Variants in CARS1 observed in about 807,000 individuals in gnomAD.
CARS1 encodes the protein cysteine--tRNA ligase, cytoplasmic.
CARS1 carries 48 observed loss-of-function variants against 106.2 expected under a neutral mutation model. The ratio of observed to expected loss-of-function variants is 0.45; its 90% CI spans 0.36 to 0.57. The LOEUF (loss-of-function observed/expected upper bound fraction) is 0.57. CARS1 is among the 20% of genes least tolerant of loss of function. The pLI is 0.00. For missense variants in CARS1, 968 were observed against 1,057.2 expected (o/e 0.92, Z 1.17); for synonymous variants, 409 against 403.4 (o/e 1.01, Z -0.17).
chr11:3,010,644 C>G (rs145425911), intron 18 of CARS1, among the ~76,000 whole-genome samples: 11 of 152,206 alleles, frequency 7.2e-5, no homozygotes, highest in Non-Finnish European at 1.6e-4. Context: ...CCCGGCCAGC[C>G]TCTCCTCTCA....
intron 1 of CARS1, among the ~76,000 whole-genome samples, chr11:3,051,382 G>C (rs978829837): frequency 6.6e-6 from 1 of 152,160 alleles, no homozygotes; most frequent in African/African-American, 2.4e-5. Context: ...TGACACTGCC[G>C]GGGCTTCCCT....
chr11:3,043,801 C>T lies in CARS1; in HGVS notation c.275-1545G>A, dbSNP rs539611144. 4.6e-5 allele frequency among the ~76,000 whole-genome samples: 7 copies of T among 152,126 alleles called. No homozygotes were observed. The highest frequency in any genetic ancestry group is 2.0e-4 in the Admixed American group (3 of 15,282). On this transcript the variant is annotated intron_variant, in intron 2 of 22. Transcript: ENST00000380525. This position sits in a 1 kb window ranked among gnomAD's most constrained non-coding sequence, Gnocchi z 4.0. ...AACAGGCCAAGGGGAGGAAGGAGGG[C>T]GGCTGCACTGTGTCTGGGCAGTGGG...
In CARS1 at chr11:3,021,388, C is replaced by T. The variant is rs1203385321; in HGVS notation, c.1154-1056G>A. 1.3e-5 allele frequency among the ~76,000 whole-genome samples: 2 copies of T among 152,140 alleles called. No individual in the cohort carries two copies. On this transcript the variant is annotated intron_variant, in intron 10 of 22. Transcript: ENST00000380525. This position sits in a 1 kb window ranked among gnomAD's most constrained non-coding sequence, Gnocchi z 5.3. ...AAGGGCTGCCTTAGGTGCTGTCACC[C>T]CCTTGTGGAGGAAGAACAGACTCCA...
Position 3,052,217 on chromosome 11 carries a change from C to T in CARS1, c.26-4216G>A, listed in dbSNP as rs1372225624. ...TCTCTGGAGACCTGAGGGGCGGCCCCGACGCCCTCCAGGGCTGAGTACCTA... is the reference window on the plus strand; with the variant it reads ...TCTCTGGAGACCTGAGGGGCGGCCCTGACGCCCTCCAGGGCTGAGTACCTA... On this transcript the variant is annotated intron_variant, in intron 1 of 22. Coordinates refer to ENST00000380525, the MANE Select transcript of CARS1 (RefSeq NM_001014437.3). The surrounding 1 kb of genome is among the most constrained non-coding windows in gnomAD (Gnocchi z 4.6). Among the ~76,000 whole-genome samples, 5 of 152,230 alleles carry T rather than the reference C, an allele frequency of 3.3e-5. No homozygotes were observed. The highest frequency in any genetic ancestry group is 9.6e-5 in the African/African-American group (4 of 41,462).
At position 3,042,081 on chromosome 11, in the gene CARS1, C is replaced by G. The variant is rs1312531550; in HGVS notation, c.366+84G>C. 3.1e-6 allele frequency: 3 copies of G among 960,096 alleles called. No homozygotes were observed. The Admixed American group carries it at 5.8e-5, about 19-fold the overall frequency. 59.5% of individuals were successfully genotyped at this position (960,096 alleles called of 1,614,324 possible). A position where few individuals can be genotyped will look rare whatever the true frequency, so the allele number is the denominator to read the frequency against. ...ATCCCAACACAAGGAACAGAGAAGT[C>G]TGTTGTGCGACAAGGCACATGGGCT... is the stretch of plus-strand genomic sequence containing the variant. On this transcript the variant is annotated intron_variant, in intron 3 of 22. Transcript: ENST00000380525.
In CARS1 at chr11:3,017,373, T is replaced by C; in HGVS notation, c.1728-78A>G. ...AAATTCCCCATGTGGCCAGGCGCAG[T>C]GGCTCACGCCTATAATCCCAGCACT... is the stretch of plus-strand genomic sequence containing the variant. On this transcript the variant is annotated intron_variant, in intron 15 of 22. Transcript: ENST00000380525. The surrounding 1 kb of genome is among the most constrained non-coding windows in gnomAD (Gnocchi z 4.9). The C allele has an allele frequency of 7.5e-7, 1 of 1,326,066 alleles. No homozygotes were observed. Among genetic ancestry groups the C allele is most frequent in the Non-Finnish European group, 1.1e-6 (1 of 938,150 alleles). The allele number at this position is 1,326,066 out of a possible 1,614,324, so 82.1% of individuals were successfully genotyped here.
chr11:3,038,035 T>C lies in CARS1; in HGVS notation c.801+15A>G, dbSNP rs1392827199. The C allele has an allele frequency of 2.5e-6, 4 of 1,606,358 alleles. No individual in the cohort carries two copies. Among genetic ancestry groups the C allele is most frequent in the Non-Finnish European group, 3.4e-6 (4 of 1,173,934 alleles). ...TGACCCGAACGGGCTGTCTGGGAGA[T>C]GTGTGAAGCCTCACCTCCACACAGC... On this transcript the variant is annotated intron_variant, in intron 7 of 22. Transcript: ENST00000380525. The surrounding 1 kb of genome is among the most constrained non-coding windows in gnomAD (Gnocchi z 4.0).
At chr11:3,051,481 C>G (rs2134312758) in intron 1 of CARS1, among the ~76,000 whole-genome samples, 1 of 152,284 alleles carries the variant, frequency 6.6e-6, no homozygotes. Context: ...GGCAGACCCA[C>G]AGAGGCAGCT....
intron 2 of CARS1, among the ~76,000 whole-genome samples, chr11:3,042,731 T>G (rs436580): frequency 0.34 from 51,621 of 152,032 alleles, 10,492 homozygotes; most frequent in East Asian, 0.66. Flanking sequence ...TATGGTCTGT[T>G]CTGCCGCAGC....
At position 3,022,459 on chromosome 11, in the gene CARS1, C is replaced by T. The variant is rs1590387159; in HGVS notation, c.1154-2127G>A. Among the ~76,000 whole-genome samples, 1 of 152,150 alleles carries T rather than the reference C, an allele frequency of 6.6e-6. No individual in the cohort carries two copies. The highest frequency in any genetic ancestry group is 6.5e-5 in the Admixed American group (1 of 15,282). ...AGGGAGGCGGATCTGAGGTTTCCTC[C>T]CATCTCCATTTGTCCACCATACAAT... On this transcript the variant is annotated intron_variant, in intron 10 of 22. Transcript: ENST00000380525. The surrounding 1 kb of genome is among the most constrained non-coding windows in gnomAD (Gnocchi z 4.9).
intron 1 of CARS1, among the ~76,000 whole-genome samples, chr11:3,049,888 C>A (rs891086974): frequency 6.6e-6 from 1 of 152,238 alleles, no homozygotes; most frequent in Non-Finnish European, 1.5e-5. Flanking sequence ...GCGGGGGTAA[C>A]TGCACACGAA....
rs999388410 is a variant in CARS1, at chr11:3,022,635, T to C, written c.1154-2303A>G. 6.6e-6 allele frequency among the ~76,000 whole-genome samples: 1 copy of C among 152,132 alleles called. No homozygotes were observed. Among genetic ancestry groups the C allele is most frequent in the Admixed American group, 6.5e-5 (1 of 15,276 alleles). The stretch of plus-strand genomic sequence containing the variant: ...TCTCTCTCCCCAGAGGCAGAGTGAG[T>C]GTTTCTAGCTTTGACCCTACAAGCA... On this transcript the variant is annotated intron_variant, in intron 10 of 22. Coordinates refer to ENST00000380525, the MANE Select transcript of CARS1 (RefSeq NM_001014437.3). This position sits in a 1 kb window ranked among gnomAD's most constrained non-coding sequence, Gnocchi z 4.9.
At chr11:3,054,602 A>G (rs1220031538) in intron 1 of CARS1, among the ~76,000 whole-genome samples, 1 of 152,058 alleles carries the variant, frequency 6.6e-6, no homozygotes, top group African/African-American at 2.4e-5. Context: ...TAAGGTCCCT[A>G]TTGAGTCAGG....
In CARS1 at chr11:3,026,778, C is replaced by T; in HGVS notation, c.1051G>A (p.Val351Ile). 6.2e-7 allele frequency: 1 copy of T among 1,613,196 alleles called. No homozygotes were observed. Among genetic ancestry groups the T allele is most frequent in the Non-Finnish European group, 8.5e-7 (1 of 1,179,602 alleles). Residue 351 changes from valine to isoleucine, a missense_variant, in exon 10 of 23, where the codon GTC becomes ATC. Transcript: ENST00000380525. ...GCAAACTTCGCTGTATCAAAGTAGA[C>T]AGACCCATTGGAGACATAGCTGGAA... is the stretch of plus-strand genomic sequence containing the variant. ...NGYGYVSNGS[V>I]YFDTAKFASS... is the part of the protein sequence containing the mutation.
chr11:3,039,733 C>A lies in CARS1; in HGVS notation c.552+102G>T. On this transcript the variant is annotated intron_variant, in intron 5 of 22. Transcript: ENST00000380525. The surrounding 1 kb of genome is among the most constrained non-coding windows in gnomAD (Gnocchi z 5.6). ...TAAAATGATGTTTATCAGGTGAAAACACAAGCTAGCTCAAGCCTACATTAT... is the reference window on the plus strand; with the variant it reads ...TAAAATGATGTTTATCAGGTGAAAAAACAAGCTAGCTCAAGCCTACATTAT... The A allele has an allele frequency of 1.7e-6, 1 of 605,564 alleles. No homozygotes were observed. The highest frequency in any genetic ancestry group is 2.2e-5 in the South Asian group (1 of 45,770). 37.5% of individuals were successfully genotyped at this position (605,564 alleles called of 1,614,324 possible).
At chr11:3,042,430 C>CTTTT in intron 2 of CARS1, 174 bp from the exon 3 acceptor site, 1 of 508,474 alleles carries the variant, frequency 2.0e-6, no homozygotes, top group Non-Finnish European at 3.5e-6. Context: ...ACAACTGCGT[C>CTTTT]TTTTTTTTTT....
intron 1 of CARS1, among the ~76,000 whole-genome samples, chr11:3,049,964 C>G (rs563059681): frequency 6.6e-6 from 1 of 152,214 alleles, no homozygotes; most frequent in Non-Finnish European, 1.5e-5. Context: ...TGGCACTTCC[C>G]GGAACGCTGT....
At chr11:3,018,182 C>G in intron 14 of CARS1, 1 of 611,150 alleles carries the variant, frequency 1.6e-6, no homozygotes, top group South Asian at 2.0e-5. Context: ...AGGACGTGCA[C>G]TGCAGTGACT....
rs995133268 is a variant in CARS1, at chr11:3,020,699, T to G, written c.1154-367A>C. Among the ~76,000 whole-genome samples the G allele has an allele frequency of 6.6e-6, 1 of 152,152 alleles. No individual in the cohort carries two copies. The highest frequency in any genetic ancestry group is 1.5e-5 in the Non-Finnish European group (1 of 68,020). On this transcript the variant is annotated intron_variant, in intron 10 of 22. Transcript: ENST00000380525. This position sits in a 1 kb window ranked among gnomAD's most constrained non-coding sequence, Gnocchi z 4.6. ...CTAAAGCTAGGAGGTGACATAGTGG[T>G]GCAGCCACTGGGGCATGGCTCAGGG...
Sources: gnomAD v4.1 joint callset for allele counts (sites outside exome capture counted in the v4.1 genomes callset) on GRCh38, gnomAD v4.1.1 for gene constraint, Gnocchi (gnomAD v3.1) non-coding constraint, MANE v1.5 for transcripts, NCBI Gene and HGNC (gene_info 2026-07-23, HGNC 2026-07-21) for gene names.